The following CHD7 variants were observed in gnomAD, a reference collection of about 807,000 sequenced individuals.
The protein encoded by CHD7 is chromodomain helicase DNA binding protein 7.
Under a neutral mutation model 307.3 loss-of-function variants are expected in CHD7, and 24 were observed. The observed-to-expected ratio is 0.08, with a 90% CI of 0.06 to 0.11. The LOEUF is 0.11. Among genes scored for constraint, CHD7 ranks in the 10% least tolerant of loss-of-function variants. The probability of loss-of-function intolerance (pLI) is 1.00; values close to 1 mark genes in which losing one functional copy is unlikely to be tolerated. For synonymous variants in CHD7, 1,363 were observed against 1,349.9 expected (o/e 1.01, Z -0.21); for missense variants, 3,106 against 3,727.1 (o/e 0.83, Z 4.34).
chr8:60,830,563 C>T lies in CHD7; in HGVS notation c.3764C>T (p.Pro1255Leu), dbSNP rs888843580. ...GAATTGCGGAAGTGCTGCAATCATC[C>T]GTACCTTATCAATGGTAAGGCTGCC... ...MMELRKCCNH[P>L]YLINGAEEKI... Residue 1255 changes from proline to leucine, a missense_variant, in exon 15 of 38, where the codon CCG becomes CTG. Physicochemically the swap from Pro to Leu is moderately conservative, Grantham distance 98. Around this residue, in one of 10 missense-constraint regions of CHD7, gnomAD observed 232 missense variants for 422.5 expected, o/e 0.55. Coordinates refer to ENST00000423902, the MANE Select transcript of CHD7 (RefSeq NM_017780.4). The T allele has an allele frequency of 4.3e-6, 7 of 1,613,094 alleles. No homozygotes were observed. The highest frequency in any genetic ancestry group is 2.2e-5 in the East Asian group (1 of 44,860).
At chr8:60,819,204 TG>T (rs967968879) in intron 8 of CHD7, among the ~76,000 whole-genome samples, 69 of 152,246 alleles carry the variant, frequency 4.5e-4, no homozygotes, top group African/African-American at 1.6e-3. Flanking sequence ...CCGCCTGCCT[TG>T]GCCTCCCAAA....
chr8:60,698,840 G>A (rs1806621891), intron 1 of CHD7, among the ~76,000 whole-genome samples: 4 of 152,142 alleles, frequency 2.6e-5, no homozygotes, highest in African/African-American at 9.7e-5. Context: ...AGGCTGGAGT[G>A]CAGTGGCACA....
chr8:60,830,294 C>T (rs376828879), intron 14 of CHD7, 28 bp from the exon 15 acceptor site: 7 of 1,597,774 alleles, frequency 4.4e-6, no homozygotes, highest in East Asian at 4.5e-5. Context: ...AATCATGACA[C>T]TAGTATTTAC....
chr8:60,844,150 C>G (rs1805097452), intron 21 of CHD7, among the ~76,000 whole-genome samples: 1 of 152,182 alleles, frequency 6.6e-6, no homozygotes, highest in South Asian at 2.1e-4. Flanking sequence ...TCCATAGCTC[C>G]CAGATGAGAC....
intron 1 of CHD7, among the ~76,000 whole-genome samples, chr8:60,733,373 T>A (rs1808550344): frequency 6.6e-6 from 1 of 152,206 alleles, no homozygotes; most frequent in Non-Finnish European, 1.5e-5. Flanking sequence ...GTACTTCAGG[T>A]GCTATTAGAA....
intron 1 of CHD7, among the ~76,000 whole-genome samples, chr8:60,700,864 G>C (rs952672583): frequency 3.9e-5 from 6 of 152,212 alleles, no homozygotes; most frequent in African/African-American, 1.4e-4. Context: ...TGATGGCAGT[G>C]AGACGTCAGG....
chr8:60,799,865 G>A (rs1258396807), intron 4 of CHD7, among the ~76,000 whole-genome samples: 2 of 151,814 alleles, frequency 1.3e-5, no homozygotes, highest in African/African-American at 4.8e-5. Flanking sequence ...GGAGTGGCAG[G>A]GCTACAGCTG....
At chr8:60,789,552 C>A (rs1205910736) in intron 3 of CHD7, among the ~76,000 whole-genome samples, 1 of 152,226 alleles carries the variant, frequency 6.6e-6, no homozygotes, top group Admixed American at 6.5e-5. Flanking sequence ...ATTCCCATCA[C>A]ATTTGGGTCC....
chr8:60,799,122 T>C (rs1812171991), intron 4 of CHD7, among the ~76,000 whole-genome samples: 1 of 152,270 alleles, frequency 6.6e-6, no homozygotes, highest in Non-Finnish European at 1.5e-5. Context: ...AAGAAGTTAA[T>C]ATATCGATGA....
chr8:60,831,449 A>G lies in CHD7; in HGVS notation c.3778+872A>G, dbSNP rs139470384. 4.8e-4 allele frequency among the ~76,000 whole-genome samples: 73 copies of G among 152,224 alleles called. 3 individuals carry two copies. In the East Asian group the frequency reaches 0.013, roughly 27 times the overall value. ...GGAACTTTCCCAAAGTAAAAGGCACACATAAGAAATGCACCTTAGACATGC... is the reference window on the plus strand; with the variant it reads ...GGAACTTTCCCAAAGTAAAAGGCACGCATAAGAAATGCACCTTAGACATGC... On this transcript the variant is annotated intron_variant, in intron 15 of 37. Transcript: ENST00000423902.
At position 60,681,773 on chromosome 8, in the gene CHD7, G is replaced by GT. The variant is rs564821571; in HGVS notation, c.-175+2698dup. 5.3e-5 allele frequency among the ~76,000 whole-genome samples: 8 copies of GT among 152,064 alleles called. No individual in the cohort carries two copies. The South Asian group carries it at 1.2e-3, about 24-fold the overall frequency. On this transcript the variant is annotated intron_variant, in intron 1 of 37. Coordinates refer to ENST00000423902, the MANE Select transcript of CHD7 (RefSeq NM_017780.4). Reference sequence around the variant, plus strand: ...TTGGGATTGTTTTCTAGCACTGTGGGTTTTTTTCTCTTTATATTTTCTAAT... The same window carrying GT: ...TTGGGATTGTTTTCTAGCACTGTGGGTTTTTTTTCTCTTTATATTTTCTAAT...
At chr8:60,853,567 G>A in intron 31 of CHD7, 67 bp downstream of exon 31, 2 of 1,251,132 alleles carry the variant, frequency 1.6e-6, no homozygotes, top group Non-Finnish European at 1.1e-6. Flanking sequence ...GTTGCTTTCT[G>A]GCAGCACGGC....
chr8:60,733,349 C>T (rs538869845), intron 1 of CHD7, among the ~76,000 whole-genome samples: 1 of 152,212 alleles, frequency 6.6e-6, no homozygotes, highest in East Asian at 1.9e-4. Context: ...TTCTCTTTTG[C>T]CATACAATGT....
intron 34 of CHD7, among the ~76,000 whole-genome samples, chr8:60,860,129 TGTCTGAGACAAAGTGTC>T (rs1426953500): frequency 1.3e-5 from 2 of 152,234 alleles, no homozygotes; most frequent in Non-Finnish European, 2.9e-5. Context: ...TTGCCACACA[TGTCTGAGACAAAGTGTC>T]CCACTACCAA....
At chr8:60,816,095 T>TTGTCTGTCTGTCTGTC (rs749460189) in intron 7 of CHD7, among the ~76,000 whole-genome samples, 6 of 140,584 alleles carry the variant, frequency 4.3e-5, no homozygotes, top group African/African-American at 1.4e-4. Context: ...TCTGTCTCTT[T>TTGTCTGTCTGTCTGTC]TGTCTGTCTG....
At chr8:60,680,301 A>T (rs1344614442) in intron 1 of CHD7, among the ~76,000 whole-genome samples, 1 of 137,272 alleles carries the variant, frequency 7.3e-6, no homozygotes, top group East Asian at 2.2e-4. Flanking sequence ...CGCACCGGGG[A>T]TTGGGCTCGC....
intron 1 of CHD7, among the ~76,000 whole-genome samples, chr8:60,730,847 G>A (rs1229365561): frequency 4.0e-5 from 6 of 149,734 alleles, no homozygotes; most frequent in African/African-American, 7.3e-5. Context: ...GCGACAGAGC[G>A]AGACTCTGTC....
chr8:60,709,992 T>A (rs1260739232), intron 1 of CHD7, among the ~76,000 whole-genome samples: 1 of 152,174 alleles, frequency 6.6e-6, no homozygotes, highest in Non-Finnish European at 1.5e-5. Context: ...TTTATTTTTT[T>A]AAATTTCAGA....
intron 16 of CHD7, 74 bp downstream of exon 16, chr8:60,836,357 A>T: frequency 8.0e-7 from 1 of 1,247,756 alleles, no homozygotes; most frequent in Non-Finnish European, 1.1e-6. Flanking sequence ...CAGTCCACCT[A>T]AAAGTGGAAT....
Sources: allele counts gnomAD v4.1 joint callset (sites outside exome capture counted in the v4.1 genomes callset), GRCh38; gene constraint gnomAD v4.1.1; regional missense constraint gnomAD v4.1.1; transcripts MANE v1.5; gene names NCBI Gene and HGNC (gene_info 2026-07-23, HGNC 2026-07-21).